SLC9A8: variants seen among roughly 807,000 people sequenced by gnomAD.
The protein encoded by SLC9A8 is solute carrier family 9 member A8, also known as sodium/hydrogen exchanger 8.
A neutral mutation model predicts 66.6 loss-of-function variants in SLC9A8; 48 were observed. The observed-to-expected ratio is 0.72, with a 90% CI of 0.57 to 0.92. The LOEUF (loss-of-function observed/expected upper bound fraction) is 0.92, where lower values mean the gene tolerates loss of function less well. Ranked by LOEUF, SLC9A8 falls within the 40% of genes least tolerant of loss-of-function variation. SLC9A8 has a pLI of 0.00. For missense variants in SLC9A8, 599 were observed against 747.3 expected (o/e 0.80, Z 2.31); for synonymous variants, 274 against 282.6 (o/e 0.97, Z 0.31).
Position 49,836,579 on chromosome 20 carries a change from C to T in SLC9A8, c.290-2962C>T, listed in dbSNP as rs569020923. 7.2e-5 allele frequency among the ~76,000 whole-genome samples: 11 copies of T among 152,022 alleles called. No individual in the cohort carries two copies. The East Asian group carries it at 1.2e-3, about 16-fold the overall frequency. On this transcript the variant is annotated intron_variant, in intron 3 of 15. Coordinates refer to ENST00000361573, the MANE Select transcript of SLC9A8 (RefSeq NM_015266.3). Reference sequence around the variant, plus strand: ...TGACCTCAAGCAGTCCACCCACCTGCGCCTCCCAAAGTGCTGGGATTACAG... The same window carrying T: ...TGACCTCAAGCAGTCCACCCACCTGTGCCTCCCAAAGTGCTGGGATTACAG...
chr20:49,875,542 A>G (rs1227304509), intron 11 of SLC9A8, among the ~76,000 whole-genome samples: 2 of 152,144 alleles, frequency 1.3e-5, no homozygotes, highest in African/African-American at 4.8e-5. Context: ...ATAAACCACG[A>G]TGGCTTTGTC....
At chr20:49,832,663 G>A (rs892604851) in intron 3 of SLC9A8, among the ~76,000 whole-genome samples, 9 of 152,150 alleles carry the variant, frequency 5.9e-5, no homozygotes, top group African/African-American at 1.9e-4. Context: ...CAGAAGACGA[G>A]GTGGGAGGGC....
intron 3 of SLC9A8, among the ~76,000 whole-genome samples, chr20:49,826,637 A>G (rs1019422588): frequency 9.2e-5 from 14 of 152,248 alleles, no homozygotes; most frequent in African/African-American, 3.1e-4. Flanking sequence ...ATAAAAATAT[A>G]GTATCAACCT....
intron 3 of SLC9A8, among the ~76,000 whole-genome samples, chr20:49,824,049 C>G (rs950416595): frequency 7.2e-5 from 11 of 152,206 alleles, no homozygotes; most frequent in African/African-American, 2.4e-4. Flanking sequence ...CCTCCCCCTC[C>G]TCCCATCACC....
chr20:49,881,865 T>A (rs2146755478), intron 13 of SLC9A8, among the ~76,000 whole-genome samples: 1 of 152,314 alleles, frequency 6.6e-6, no homozygotes, highest in East Asian at 1.9e-4. Flanking sequence ...TTGTAAATGG[T>A]TGCAGAAGTG....
At chr20:49,840,273 C>G (rs557984094) in intron 4 of SLC9A8, among the ~76,000 whole-genome samples, 1 of 152,260 alleles carries the variant, frequency 6.6e-6, no homozygotes, top group South Asian at 2.1e-4. Flanking sequence ...TGAACATCAT[C>G]CTGGGGTGCA....
intron 4 of SLC9A8, among the ~76,000 whole-genome samples, chr20:49,840,376 G>A (rs1364241069): frequency 6.6e-6 from 1 of 152,124 alleles, no homozygotes; most frequent in Admixed American, 6.5e-5. Context: ...TGATTTTGTG[G>A]AGGGAAATAA....
intron 8 of SLC9A8, among the ~76,000 whole-genome samples, chr20:49,858,128 C>T (rs1290291516): frequency 1.3e-5 from 2 of 152,080 alleles, no homozygotes; most frequent in Non-Finnish European, 2.9e-5. Flanking sequence ...TTCCATTGAA[C>T]ACAATTGATA....
At chr20:49,841,713 C>T (rs1214624409) in intron 4 of SLC9A8, among the ~76,000 whole-genome samples, 2 of 152,072 alleles carry the variant, frequency 1.3e-5, no homozygotes, top group Admixed American at 1.3e-4. Context: ...GTCTCAGCCT[C>T]CTGAGTAGCT....
intron 10 of SLC9A8, among the ~76,000 whole-genome samples, chr20:49,868,818 G>A (rs2089079111): frequency 6.6e-6 from 1 of 152,214 alleles, no homozygotes; most frequent in South Asian, 2.1e-4. Flanking sequence ...GGGCATCTGT[G>A]CCACTGCTGG....
At chr20:49,863,657 C>G (rs771848711) in intron 9 of SLC9A8, among the ~76,000 whole-genome samples, 11 of 152,210 alleles carry the variant, frequency 7.2e-5, no homozygotes, top group Non-Finnish European at 1.6e-4. Context: ...AAAGTGTGTT[C>G]CATTGAGTTA....
intron 12 of SLC9A8, 118 bp downstream of exon 12, chr20:49,878,181 T>A: frequency 1.9e-6 from 1 of 526,330 alleles, no homozygotes; most frequent in Non-Finnish European, 3.2e-6. Flanking sequence ...ACATAGACAC[T>A]CTTTTGTTTA....
At chr20:49,875,068 A>T (rs533942580) in intron 11 of SLC9A8, among the ~76,000 whole-genome samples, 1 of 152,348 alleles carries the variant, frequency 6.6e-6, no homozygotes, top group South Asian at 2.1e-4. Flanking sequence ...AGAACCAATT[A>T]TGAACATTTG....
chr20:49,869,211 ACTTT>A lies in SLC9A8; in HGVS notation c.958+4388_958+4391del, dbSNP rs544095855. Reference sequence around the variant, plus strand: ...TTTGCAAGATTAATCATGAGATAACACTTTCTTTCTTTCTTTCTTTCTTTTTGAG... The same window carrying A: ...TTTGCAAGATTAATCATGAGATAACACTTTCTTTCTTTCTTTCTTTTTGAG... On this transcript the variant is annotated intron_variant, in intron 10 of 15. Transcript: ENST00000361573. Among the ~76,000 whole-genome samples the A allele has an allele frequency of 7.1e-3, 1,084 of 151,734 alleles. 6 individuals are homozygous for A. Among genetic ancestry groups the A allele is most frequent in the Non-Finnish European group, 0.01 (689 of 67,868 alleles).
intron 13 of SLC9A8, among the ~76,000 whole-genome samples, chr20:49,881,797 A>G (rs1272031104): frequency 6.6e-6 from 1 of 152,186 alleles, no homozygotes; most frequent in African/African-American, 2.4e-5. Flanking sequence ...ATACATTTAT[A>G]TGTGGTGAGA....
At chr20:49,864,944 G>A (rs1316270719) in intron 10 of SLC9A8, 100 bp downstream of exon 10, 5 of 778,144 alleles carry the variant, frequency 6.4e-6, no homozygotes, top group Non-Finnish European at 1.1e-5. Context: ...ACAAGAGACA[G>A]TCACAACTCA....
At position 49,855,429 on chromosome 20, in the gene SLC9A8, C is replaced by G; in HGVS notation, c.570-9C>G. On this transcript the variant is annotated splice_polypyrimidine_tract_variant and intron_variant, in intron 7 of 15. Coordinates refer to ENST00000361573, the MANE Select transcript of SLC9A8 (RefSeq NM_015266.3). The stretch of plus-strand genomic sequence containing the variant: ...TTACAGAATCTCCCCTTCCCTCTGT[C>G]TCTTACAGTTTTGCGTTTGGCTCCC... 1 of 1,613,840 alleles carries G rather than the reference C, an allele frequency of 6.2e-7. No homozygotes were observed. Among genetic ancestry groups the G allele is most frequent in the African/African-American group, 1.3e-5 (1 of 75,054 alleles).
intron 3 of SLC9A8, among the ~76,000 whole-genome samples, chr20:49,828,731 C>T (rs2087027506): frequency 6.6e-6 from 1 of 151,690 alleles, no homozygotes; most frequent in African/African-American, 2.4e-5. Flanking sequence ...CCCAGCTACT[C>T]AGGAGGCTGA....
In SLC9A8 at chr20:49,842,063, T is replaced by TA. The variant is rs200843811; in HGVS notation, c.348+2464_348+2465insA. ...ATATTTATTTTATTTTATTTTATTT[T>TA]TTTTTTTTTGCTGGGGAGTGGTGGG... On this transcript the variant is annotated intron_variant, in intron 4 of 15. Transcript: ENST00000361573. 4.1e-3 allele frequency among the ~76,000 whole-genome samples: 586 copies of TA among 143,066 alleles called. 5 individuals are homozygous for TA. Among genetic ancestry groups the TA allele is most frequent in the African/African-American group, 0.012 (496 of 40,480 alleles). 93.9% of individuals were successfully genotyped at this position (143,066 alleles called of 152,430 possible).
Sources: allele counts gnomAD v4.1 joint callset (sites outside exome capture counted in the v4.1 genomes callset), GRCh38; gene constraint gnomAD v4.1.1; transcripts MANE v1.5; gene names NCBI Gene and HGNC (gene_info 2026-07-23, HGNC 2026-07-21).